Variants in SCFD2 observed in about 807,000 individuals in gnomAD.
The protein encoded by SCFD2 is sec1 family domain containing 2, also known as sec1 family domain-containing protein 2.
SCFD2 carries 54 observed loss-of-function variants against 58.9 expected under a neutral mutation model. The ratio of observed to expected loss-of-function variants is 0.92; its 90% CI spans 0.74 to 1.15. The LOEUF (loss-of-function observed/expected upper bound fraction) is 1.15. SCFD2 is among the 50% of genes most tolerant of loss of function. The pLI, the probability that SCFD2 is intolerant of heterozygous loss-of-function variation, is 0.00. For synonymous variants in SCFD2, 321 were observed against 335.9 expected (o/e 0.96, Z 0.49); for missense variants, 805 against 836.6 (o/e 0.96, Z 0.47).
chr4:53,254,471 CTTTT>C (rs1730520691), intron 4 of SCFD2, among the ~76,000 whole-genome samples: 1 of 151,770 alleles, frequency 6.6e-6, no homozygotes, highest in African/African-American at 2.4e-5. Context: ...TCAATTAAAC[CTTTT>C]TTCTTTTTTT....
chr4:53,264,951 T>A (rs1730936818), intron 4 of SCFD2, among the ~76,000 whole-genome samples: 1 of 152,170 alleles, frequency 6.6e-6, no homozygotes, highest in Non-Finnish European at 1.5e-5. Context: ...CATTTATATT[T>A]TATTAAAAAA....
chr4:53,064,473 A>G (rs1274832594), intron 5 of SCFD2, among the ~76,000 whole-genome samples: 1 of 152,178 alleles, frequency 6.6e-6, no homozygotes, highest in Non-Finnish European at 1.5e-5. Flanking sequence ...TCCTGAAGAC[A>G]CGATAGAGCC....
At chr4:53,182,686 C>T (rs1727609862) in intron 4 of SCFD2, among the ~76,000 whole-genome samples, 1 of 151,968 alleles carries the variant, frequency 6.6e-6, no homozygotes, top group South Asian at 2.1e-4. Context: ...TTCTGCGCAG[C>T]AAAAGAAACT....
At chr4:53,243,286 A>C (rs1277493240) in intron 4 of SCFD2, among the ~76,000 whole-genome samples, 1 of 152,220 alleles carries the variant, frequency 6.6e-6, no homozygotes, top group Non-Finnish European at 1.5e-5. Context: ...ACCCCTCAGC[A>C]GAAACCCTAA....
intron 4 of SCFD2, among the ~76,000 whole-genome samples, chr4:53,189,803 A>G (rs1406090423): frequency 6.6e-6 from 1 of 152,206 alleles, no homozygotes; most frequent in East Asian, 1.9e-4. Flanking sequence ...CTCCAAGCAG[A>G]TCTGTGTGAC....
intron 5 of SCFD2, chr4:52,956,068 C>G (rs1266122391): frequency 2.2e-6 from 1 of 456,558 alleles, no homozygotes; most frequent in African/African-American, 2.0e-5. Context: ...GTCCCACTCT[C>G]CCTCCCAGCT....
At chr4:53,177,783 A>C (rs1344257031) in intron 4 of SCFD2, among the ~76,000 whole-genome samples, 2 of 152,216 alleles carry the variant, frequency 1.3e-5, no homozygotes, top group Non-Finnish European at 2.9e-5. Flanking sequence ...TGGCACCTGG[A>C]AAAGCAGGTC....
intron 5 of SCFD2, among the ~76,000 whole-genome samples, chr4:53,087,441 C>G (rs1210685727): frequency 6.6e-6 from 1 of 152,100 alleles, no homozygotes; most frequent in Admixed American, 6.6e-5. Context: ...TCAAGTGATT[C>G]TCCTGCCTCA....
intron 5 of SCFD2, among the ~76,000 whole-genome samples, chr4:53,050,725 C>T (rs767598176): frequency 2.0e-5 from 3 of 152,220 alleles, no homozygotes; most frequent in African/African-American, 4.8e-5. Flanking sequence ...TTCATGGCTT[C>T]TCACTGCTTT....
chr4:53,106,509 G>A (rs887733564), intron 5 of SCFD2, among the ~76,000 whole-genome samples: 25 of 147,810 alleles, frequency 1.7e-4, no homozygotes, highest in East Asian at 3.9e-4. Context: ...TAGAATAACC[G>A]TTTAGAGAAG....
intron 5 of SCFD2, among the ~76,000 whole-genome samples, chr4:53,035,625 A>G (rs770280906): frequency 6.6e-6 from 1 of 152,198 alleles, no homozygotes; most frequent in African/African-American, 2.4e-5. Flanking sequence ...CAACAAATTT[A>G]CAACAAAAAA....
At chr4:53,342,483 A>T (rs1298490276) in intron 2 of SCFD2, among the ~76,000 whole-genome samples, 1 of 152,192 alleles carries the variant, frequency 6.6e-6, no homozygotes, top group African/African-American at 2.4e-5. Flanking sequence ...CTACAAAGAG[A>T]CTTAGACTCC....
intron 2 of SCFD2, among the ~76,000 whole-genome samples, chr4:53,332,941 T>A (rs980245408): frequency 6.6e-6 from 1 of 151,300 alleles, no homozygotes; most frequent in Non-Finnish European, 1.5e-5. Context: ...ACAAGCATTC[T>A]TATACACCAA....
chr4:53,193,341 G>A (rs538048598), intron 4 of SCFD2, among the ~76,000 whole-genome samples: 17 of 152,310 alleles, frequency 1.1e-4, no homozygotes, highest in African/African-American at 2.6e-4. Context: ...CAAGGTTGCT[G>A]TGATTATCTG....
At chr4:52,924,211 G>A (rs1316618923) in intron 5 of SCFD2, among the ~76,000 whole-genome samples, 2 of 152,176 alleles carry the variant, frequency 1.3e-5, no homozygotes, top group Admixed American at 6.5e-5. Flanking sequence ...ATTAGGCTGG[G>A]TGGAATAGAA....
intron 2 of SCFD2, among the ~76,000 whole-genome samples, chr4:53,328,316 T>C (rs1733281917): frequency 1.3e-5 from 2 of 152,110 alleles, no homozygotes; most frequent in South Asian, 2.1e-4. Flanking sequence ...GGTTTCTAAA[T>C]ACAATTCTCC....
At chr4:53,035,966 C>T (rs1032434434) in intron 5 of SCFD2, among the ~76,000 whole-genome samples, 12 of 152,120 alleles carry the variant, frequency 7.9e-5, no homozygotes, top group African/African-American at 2.9e-4. Flanking sequence ...CCAGCAATCC[C>T]ATTACTAGGT....
At chr4:53,249,669 G>T (rs558943798) in intron 4 of SCFD2, among the ~76,000 whole-genome samples, 1 of 152,166 alleles carries the variant, frequency 6.6e-6, no homozygotes, top group Non-Finnish European at 1.5e-5. Context: ...TTAAAGAAAA[G>T]AATTTTCAAC....
intron 2 of SCFD2, among the ~76,000 whole-genome samples, chr4:53,345,957 G>T (rs1449112864): frequency 4.6e-5 from 7 of 152,116 alleles, no homozygotes; most frequent in Admixed American, 6.6e-5. Flanking sequence ...GTGGATTAGG[G>T]GGGGCTTGGG....
Sources: gnomAD v4.1 joint callset for allele counts (sites outside exome capture counted in the v4.1 genomes callset) on GRCh38, gnomAD v4.1.1 for gene constraint, MANE v1.5 for transcripts, NCBI Gene and HGNC (gene_info 2026-07-23, HGNC 2026-07-21) for gene names.